WDR13: variants seen among roughly 807,000 people sequenced by gnomAD.
The protein encoded by WDR13 is WD repeat domain 13.
A neutral mutation model predicts 28.6 loss-of-function variants in WDR13; 1 was observed. That is an observed-to-expected ratio of 0.03 (90% CI 0.01 to 0.17). The LOEUF (loss-of-function observed/expected upper bound fraction) is 0.17. WDR13 is among the 10% of genes least tolerant of loss of function. The pLI is 1.00. For missense variants in WDR13, 264 were observed against 469.3 expected, an observed-to-expected ratio of 0.56 and a Z score of 4.04; for synonymous variants, 201 against 185.9, an observed-to-expected ratio of 1.08 and a Z score of -0.66.
In WDR13 at chrX:48,599,572, C is replaced by G. The variant is rs1179395621; in HGVS notation, c.393-15C>G. The G allele has an allele frequency of 8.3e-7, 1 of 1,211,568 alleles. No homozygotes were observed. The highest frequency in any genetic ancestry group is 1.1e-6 in the Non-Finnish European group (1 of 895,452). ...ATCTACCTCCTGTCACCCCTCACTT[C>G]CTATTGGGGCCCAGGCCCCCTGGCA... On this transcript the variant is annotated splice_polypyrimidine_tract_variant and intron_variant, in intron 4 of 9. Transcript: ENST00000376729.
At chrX:48,597,917 C>G in intron 1 of WDR13, 41 bp from the exon 2 acceptor site, 2 of 1,146,914 alleles carry the variant, frequency 1.7e-6, no homozygotes. Context: ...AACTAGATCC[C>G]TTCGCTCGGG....
At chrX:48,602,301 T>A in intron 8 of WDR13, 95 bp downstream of exon 8, 1 of 982,730 alleles carries the variant, frequency 1.0e-6, no homozygotes, top group Non-Finnish European at 1.4e-6. Context: ...TTAATTTAAT[T>A]GAGGGAGCAG....
chrX:48,608,116 TTC>T lies in WDR13; in HGVS notation c.*3086_*3087del, dbSNP rs1360965858. The T allele has an allele frequency of 3.0e-5, 3 of 101,206 alleles. No individual in the cohort carries two copies. Among genetic ancestry groups the T allele is most frequent in the Admixed American group, 1.0e-4 (1 of 9,634 alleles). The allele number at this position is 101,206 out of a possible 1,213,427, so 8.3% of individuals were successfully genotyped here. ...TAGGTAGAGTAAGCCATTCTTTTTT[TTC>T]TTTCTTTCTTTTTTTTTTTTTTTGA... is the stretch of plus-strand genomic sequence containing the variant. On this transcript the variant is annotated 3_prime_UTR_variant, in exon 10 of 10. Coordinates refer to ENST00000376729, the MANE Select transcript of WDR13 (RefSeq NM_001347217.2).
rs782064779 is a variant in WDR13 at position 48,601,675 on chromosome X, T to C, written c.832-109T>C. 17 of 778,304 alleles carry C rather than the reference T, an allele frequency of 2.2e-5. No homozygotes were observed. The South Asian group carries it at 5.3e-4, about 24-fold the overall frequency. The allele number at this position is 778,304 out of a possible 1,213,427, so 64.1% of individuals were successfully genotyped here. On this transcript the variant is annotated intron_variant, in intron 6 of 9. Transcript: ENST00000376729. ...CTACCTGCCACAGCCCTATTGTGAA[T>C]AGACTCTAATAGGGACCAGCCAGTC... is the stretch of plus-strand genomic sequence containing the variant.
chrX:48,602,086 G>A lies in WDR13; in HGVS notation c.1034G>A (p.Arg345His). 5 of 1,211,713 alleles carry A rather than the reference G, an allele frequency of 4.1e-6. No individual in the cohort carries two copies. Among genetic ancestry groups the A allele is most frequent in the East Asian group, 3.0e-5 (1 of 33,831 alleles). Residue 345 changes from arginine (R) to histidine (H), a missense_variant, in exon 8 of 10, where the codon CGT (arginine) becomes CAT (histidine). By Grantham distance (29) the Arg-to-His change is conservative (BLOSUM62 0). Coordinates refer to ENST00000376729, the MANE Select transcript of WDR13 (RefSeq NM_001347217.2). Reference sequence around the variant, plus strand: ...GCAGGGAAGCTGACCAAAGCCAAGCGTTTGGTGGTGCATGAGGGGAGCCCT... The same window carrying A: ...GCAGGGAAGCTGACCAAAGCCAAGCATTTGGTGGTGCATGAGGGGAGCCCT... ...MATGKLTKAK[R>H]LVVHEGSPVT... is the part of the protein sequence containing the mutation.
chrX:48,598,570 G>A (rs975182611), intron 2 of WDR13, 147 bp from the exon 3 acceptor site: 5 of 1,083,305 alleles, frequency 4.6e-6, no homozygotes, highest in South Asian at 2.5e-5. Context: ...AGGACCAAGA[G>A]GTCCCTCATC....
rs782491786 is a variant in WDR13, at chrX:48,605,065, C to T, written c.*33C>T. The T allele has an allele frequency of 8.5e-7, 1 of 1,179,628 alleles. No homozygotes were observed. The highest frequency in any genetic ancestry group is 3.0e-5 in the East Asian group (1 of 32,936). On this transcript the variant is annotated 3_prime_UTR_variant, in exon 10 of 10. Transcript: ENST00000376729. ...TCGGCCCTGCTGCTGTCCTCCATCC[C>T]ACCCCTCTTACTCCAGCCTCGTGTT...
chrX:48,601,077 C>A (rs782786301), intron 6 of WDR13, among the ~76,000 whole-genome samples: 2 of 111,920 alleles, frequency 1.8e-5, no homozygotes, highest in Non-Finnish European at 3.8e-5. Context: ...AGCGAGACTC[C>A]GCCCCCACCC....
chrX:48,597,940 C>T lies in WDR13; in HGVS notation c.-39-18C>T. 2 of 1,160,280 alleles carry T rather than the reference C, an allele frequency of 1.7e-6. No homozygotes were observed. The highest frequency in any genetic ancestry group is 2.3e-6 in the Non-Finnish European group (2 of 870,317). ...CCCTTCGCTCGGGACGCTCACATTC[C>T]AGGCCCTTGTCCTGCAGGCTGCCGC... On this transcript the variant is annotated intron_variant, in intron 1 of 9. Coordinates refer to ENST00000376729, the MANE Select transcript of WDR13 (RefSeq NM_001347217.2).
intron 5 of WDR13, 74 bp downstream of exon 5, chrX:48,599,791 C>T (rs2737788): frequency 3.4e-6 from 4 of 1,180,259 alleles, no homozygotes; most frequent in Non-Finnish European, 4.6e-6. Context: ...GCATCCTTTT[C>T]TGAATCCAAG....
chrX:48,598,188 C>T (rs781839248), intron 2 of WDR13, 151 bp downstream of exon 2: 1 of 1,129,016 alleles, frequency 8.9e-7, no homozygotes, highest in Non-Finnish European at 1.2e-6. Flanking sequence ...GGCACGCCCG[C>T]GGTGAGTTGG....
chrX:48,598,324 C>T, intron 2 of WDR13: 1 of 1,034,609 alleles, frequency 9.7e-7, no homozygotes, highest in African/African-American at 2.0e-5. Context: ...CTATGGGTGT[C>T]CCCTAGACTT....
In WDR13 at chrX:48,608,547, T is replaced by C. The variant is rs1390350975; in HGVS notation, c.*3515T>C. 8.9e-6 allele frequency: 1 copy of C among 112,478 alleles called. No individual in the cohort carries two copies. Among genetic ancestry groups the C allele is most frequent in the African/African-American group, 3.2e-5 (1 of 30,990 alleles). The allele number at this position is 112,478 out of a possible 1,213,427, so 9.3% of individuals were successfully genotyped here. On this transcript the variant is annotated 3_prime_UTR_variant, in exon 10 of 10. Transcript: ENST00000376729. ...GCAGTTGAGGCCTGCTCTGTTACTG[T>C]TTTTCTGCACAGTGTGCAACACCAC...
Position 48,605,252 on chromosome X carries a change from G to T in WDR13, c.*220G>T. 2.3e-6 allele frequency: 1 copy of T among 432,881 alleles called. No individual in the cohort carries two copies. Among genetic ancestry groups the T allele is most frequent in the Non-Finnish European group, 4.0e-6 (1 of 252,204 alleles). 35.7% of individuals were successfully genotyped at this position (432,881 alleles called of 1,213,427 possible). A position where few individuals can be genotyped will look rare whatever the true frequency, so the allele number is the denominator to read the frequency against. On this transcript the variant is annotated 3_prime_UTR_variant, in exon 10 of 10. Coordinates refer to ENST00000376729, the MANE Select transcript of WDR13 (RefSeq NM_001347217.2). ...CGGATTCATTCATTCCACAAGCATT[G>T]ATTGAATGTCTGCTGGGTTACAGGC...
intron 2 of WDR13, 116 bp from the exon 3 acceptor site, chrX:48,598,601 C>A: frequency 9.1e-7 from 1 of 1,097,640 alleles, no homozygotes; most frequent in Non-Finnish European, 1.2e-6. Context: ...GTCATTCTTA[C>A]CACCTAGGCC....
chrX:48,604,144 C>CA (rs1246368388), intron 8 of WDR13, 128 bp from the exon 9 acceptor site: 11,819 of 414,028 alleles, frequency 0.029, no homozygotes, highest in Non-Finnish European at 0.032. Context: ...GTCTCAAAAA[C>CA]AAAAAAAAAA....
Position 48,601,973 on chromosome X carries a change from A to G in WDR13, c.1012+9A>G. On this transcript the variant is annotated intron_variant, in intron 7 of 9. Coordinates refer to ENST00000376729, the MANE Select transcript of WDR13 (RefSeq NM_001347217.2). ...CTTTGATATGGCCACAGGTAGGCAG[A>G]CAGCAGGCCTGCATCTGGGTGCTCG... 8.4e-7 allele frequency: 1 copy of G among 1,189,266 alleles called. No homozygotes were observed. The highest frequency in any genetic ancestry group is 1.1e-6 in the Non-Finnish European group (1 of 880,619).
In WDR13 at chrX:48,598,057, C is replaced by A; in HGVS notation, c.41+20C>A. The A allele has an allele frequency of 8.6e-7, 1 of 1,163,015 alleles. No individual in the cohort carries two copies. The highest frequency in any genetic ancestry group is 1.1e-6 in the Non-Finnish European group (1 of 871,178). ...CGCGAGGTGAGGCGTGGGGTCAAAG[C>A]CCATGGGAGCAGAACTTACTGTGGT... On this transcript the variant is annotated intron_variant, in intron 2 of 9. Coordinates refer to ENST00000376729, the MANE Select transcript of WDR13 (RefSeq NM_001347217.2).
chrX:48,600,176 G>A, intron 5 of WDR13, 143 bp from the exon 6 acceptor site: 1 of 589,012 alleles, frequency 1.7e-6, no homozygotes, highest in South Asian at 3.2e-5. Context: ...AGTTCCCTTT[G>A]TCAGCCAAGG....
Sources: gnomAD v4.1 joint callset for allele counts (sites outside exome capture counted in the v4.1 genomes callset) on GRCh38, gnomAD v4.1.1 for gene constraint, MANE v1.5 for transcripts, NCBI Gene and HGNC (gene_info 2026-07-23, HGNC 2026-07-21) for gene names.